MAST4: variants seen among roughly 807,000 people sequenced by gnomAD.
The protein encoded by MAST4 is microtubule-associated serine/threonine-protein kinase 4.
A neutral mutation model predicts 162.7 loss-of-function variants in MAST4; 89 were observed. The observed-to-expected ratio is 0.55, with a 90% CI of 0.46 to 0.65. The LOEUF is 0.65. Among genes scored for constraint, MAST4 ranks in the 30% least tolerant of loss-of-function variants. MAST4 has a pLI of 0.00. For synonymous variants in MAST4, 1,479 were observed against 1,361.1 expected (o/e 1.09, Z -1.91); for missense variants, 3,153 against 3,374.0 (o/e 0.93, Z 1.62).
chr5:67,094,066 C>A, intron 6 of MAST4: 2 of 708,190 alleles, frequency 2.8e-6, no homozygotes, highest in Admixed American at 3.0e-5. Flanking sequence ...TAATTTATCT[C>A]AATTTCTTTT....
intron 1 of MAST4, among the ~76,000 whole-genome samples, chr5:66,616,447 G>A: frequency 6.6e-6 from 1 of 152,214 alleles, no homozygotes; most frequent in Admixed American, 6.5e-5. Flanking sequence ...CCATTAGGCA[G>A]AACTGTCTCA....
At chr5:66,612,853 T>A (rs1743383883) in intron 1 of MAST4, among the ~76,000 whole-genome samples, 1 of 152,238 alleles carries the variant, frequency 6.6e-6, no homozygotes, top group Non-Finnish European at 1.5e-5. Flanking sequence ...TAAAGTCTTC[T>A]GCTTTTCTCT....
At chr5:66,915,697 C>T (rs758847400) in intron 4 of MAST4, among the ~76,000 whole-genome samples, 19 of 152,144 alleles carry the variant, frequency 1.2e-4, no homozygotes, top group African/African-American at 4.1e-4. Context: ...GCGCTGGTCC[C>T]GAGGGTCAGT....
intron 14 of MAST4, among the ~76,000 whole-genome samples, chr5:67,121,406 C>G (rs1016780363): frequency 6.6e-5 from 10 of 151,402 alleles, no homozygotes; most frequent in Non-Finnish European, 1.2e-4. Flanking sequence ...AAAGAAATAC[C>G]TGACTCTTGA....
At chr5:66,652,935 C>T (rs1236123644) in intron 1 of MAST4, among the ~76,000 whole-genome samples, 1 of 152,274 alleles carries the variant, frequency 6.6e-6, no homozygotes, top group East Asian at 1.9e-4. Context: ...TTGATCTTTA[C>T]CTTGTTAATG....
At chr5:67,117,794 TTTGA>T (rs1288265872) in intron 12 of MAST4, among the ~76,000 whole-genome samples, 2 of 152,134 alleles carry the variant, frequency 1.3e-5, no homozygotes, top group Non-Finnish European at 2.9e-5. Context: ...AATAAAAGAA[TTTGA>T]TTGTCTCATC....
intron 1 of MAST4, among the ~76,000 whole-genome samples, chr5:66,633,996 C>T (rs973715761): frequency 6.6e-6 from 1 of 152,174 alleles, no homozygotes; most frequent in Non-Finnish European, 1.5e-5. Flanking sequence ...GGAGACCTTC[C>T]CCTGCTCTCA....
At chr5:67,129,593 G>A (rs1055989095) in intron 14 of MAST4, among the ~76,000 whole-genome samples, 3 of 151,866 alleles carry the variant, frequency 2.0e-5, no homozygotes, top group East Asian at 3.9e-4. Flanking sequence ...GCATGGTGGC[G>A]TGCACCTGTA....
intron 17 of MAST4, 96 bp from the exon 18 acceptor site, chr5:67,134,427 G>C: frequency 9.2e-7 from 1 of 1,085,892 alleles, no homozygotes; most frequent in Non-Finnish European, 1.3e-6. Context: ...GGTTGAGCAG[G>C]TGCATTCTGG....
intron 4 of MAST4, among the ~76,000 whole-genome samples, chr5:67,025,336 A>G (rs938708013): frequency 6.6e-6 from 1 of 152,230 alleles, no homozygotes; most frequent in African/African-American, 2.4e-5. Flanking sequence ...AGTTTTTAAT[A>G]TATCTGCAAC....
chr5:66,955,626 T>C (rs79018246), intron 4 of MAST4, among the ~76,000 whole-genome samples: 10,427 of 152,228 alleles, frequency 0.068, 1,111 homozygotes, highest in African/African-American at 0.23. Context: ...ACTCTTACTC[T>C]CCCTCCCCAG....
chr5:67,099,028 G>A (rs1183033427), intron 7 of MAST4, among the ~76,000 whole-genome samples: 1 of 151,972 alleles, frequency 6.6e-6, no homozygotes, highest in Non-Finnish European at 1.5e-5. Context: ...TGAGTTTGTG[G>A]GTTTTGAAAT....
intron 1 of MAST4, among the ~76,000 whole-genome samples, chr5:66,607,023 A>G (rs1036571474): frequency 5.3e-5 from 8 of 152,200 alleles, no homozygotes; most frequent in South Asian, 2.1e-4. Flanking sequence ...TTGAAATTCA[A>G]TTGATCATTA....
intron 8 of MAST4, among the ~76,000 whole-genome samples, chr5:67,101,957 C>T (rs1483195069): frequency 6.6e-6 from 1 of 150,794 alleles, no homozygotes; most frequent in Non-Finnish European, 1.5e-5. Flanking sequence ...GAAGAATGCA[C>T]AATAGTTGTA....
At chr5:66,826,229 T>C (rs750210463) in intron 3 of MAST4, among the ~76,000 whole-genome samples, 4 of 152,068 alleles carry the variant, frequency 2.6e-5, no homozygotes, top group Non-Finnish European at 4.4e-5. Flanking sequence ...TGACAGGTAA[T>C]CGATATTTTT....
rs1773998100 is a variant in MAST4, at chr5:67,166,503, T to G, written c.7324T>G (p.Ser2442Ala). 1 of 1,605,854 alleles carries G rather than the reference T, an allele frequency of 6.2e-7. No individual in the cohort carries two copies. Among genetic ancestry groups the G allele is most frequent in the Non-Finnish European group, 8.5e-7 (1 of 1,176,420 alleles). ...GCCCAATGGCATGAAACGGTCCCCCTCAGCCACTGGGCAGAGTTCTTTCCG... is the reference window on the plus strand; with the variant it reads ...GCCCAATGGCATGAAACGGTCCCCCGCAGCCACTGGGCAGAGTTCTTTCCG... ...DKPNGMKRSPSATGQSSFRST... is the reference protein window; with the variant it reads ...DKPNGMKRSPAATGQSSFRST... The change falls in exon 29 of 29, where the codon TCA (serine) becomes GCA (alanine). Residue 2442 changes from serine to alanine, a missense_variant. Around this residue, in one of 7 missense-constraint regions of MAST4, gnomAD observed 1,644 missense variants for 1,495.0 expected, o/e 1.10. Coordinates refer to ENST00000403625, the MANE Select transcript of MAST4 (RefSeq NM_001164664.2).
At chr5:66,660,022 G>C (rs1254398037) in intron 1 of MAST4, among the ~76,000 whole-genome samples, 5 of 152,100 alleles carry the variant, frequency 3.3e-5, no homozygotes, top group East Asian at 1.9e-4. Flanking sequence ...TCCACAGATG[G>C]GTATTTTTTC....
intron 3 of MAST4, among the ~76,000 whole-genome samples, chr5:66,862,521 T>C (rs1024254056): frequency 1.3e-5 from 2 of 152,216 alleles, no homozygotes; most frequent in African/African-American, 4.8e-5. Flanking sequence ...ATATGTAATG[T>C]TTTAAAATGC....
intron 4 of MAST4, among the ~76,000 whole-genome samples, chr5:66,961,486 C>A (rs928028598): frequency 1.5e-4 from 23 of 152,140 alleles, no homozygotes; most frequent in African/African-American, 5.6e-4. Flanking sequence ...AGGGCAGTTT[C>A]TGATTCCTGT....
Sources: allele counts gnomAD v4.1 joint callset (sites outside exome capture counted in the v4.1 genomes callset), GRCh38; gene constraint gnomAD v4.1.1; regional missense constraint gnomAD v4.1.1; transcripts MANE v1.5; gene names NCBI Gene and HGNC (gene_info 2026-07-23, HGNC 2026-07-21).